Variants in AP1G2 observed in about 807,000 individuals in gnomAD.
The protein encoded by AP1G2 is AP-1 complex subunit gamma-like 2.
Under a neutral mutation model 95.8 loss-of-function variants are expected in AP1G2, and 85 were observed. That is an observed-to-expected ratio of 0.89 (90% confidence interval 0.74 to 1.06). The LOEUF (loss-of-function observed/expected upper bound fraction) is 1.06. AP1G2 is among the 50% of genes least tolerant of loss of function. The probability of loss-of-function intolerance (pLI) is 0.00; values close to 1 mark genes in which losing one functional copy is unlikely to be tolerated. For missense variants in AP1G2, 967 were observed against 1,005.8 expected, an observed-to-expected ratio of 0.96 and a Z score of 0.52; for synonymous variants, 378 against 400.0, an observed-to-expected ratio of 0.94 and a Z score of 0.66.
intron 16 of AP1G2, 83 bp from the exon 17 acceptor site, chr14:23,562,149 A>G: frequency 6.3e-7 from 1 of 1,595,310 alleles, no homozygotes; most frequent in Non-Finnish European, 8.6e-7. Context: ...GGAGCAGGGA[A>G]ATACCCAGAT....
chr14:23,567,581 C>G lies in AP1G2; in HGVS notation c.-6+158G>C, dbSNP rs1441945528. Reference sequence around the variant, plus strand: ...GGGAGCCCCACCTATTTCTCTCTACCGTTTCCTCCCCCTACCTGGTACCCC... The same window carrying G: ...GGGAGCCCCACCTATTTCTCTCTACGGTTTCCTCCCCCTACCTGGTACCCC... On this transcript the variant is annotated intron_variant, in intron 1 of 21. Coordinates refer to ENST00000397120, the MANE Select transcript of AP1G2 (RefSeq NM_003917.5). This position sits in a 1 kb window ranked among gnomAD's most constrained non-coding sequence, Gnocchi z 5.3. 7.9e-7 allele frequency: 1 copy of G among 1,272,768 alleles called. No individual in the cohort carries two copies. Among genetic ancestry groups the G allele is most frequent in the Admixed American group, 4.4e-5 (1 of 22,904 alleles). 78.8% of individuals were successfully genotyped at this position (1,272,768 alleles called of 1,614,324 possible). A position where few individuals can be genotyped will look rare whatever the true frequency, so the allele number is the denominator to read the frequency against.
intron 19 of AP1G2, chr14:23,560,701 C>G (rs1883927502): frequency 5.2e-6 from 1 of 192,324 alleles, no homozygotes; most frequent in African/African-American, 2.6e-5. Flanking sequence ...ACAGCTTGAA[C>G]CCGGGAGGCA....
At chr14:23,562,831 A>G in intron 14 of AP1G2, 1 of 576,610 alleles carries the variant, frequency 1.7e-6, no homozygotes, top group East Asian at 3.2e-5. Flanking sequence ...ACCTGGCAAT[A>G]TCCCTTTAGG....
At position 23,566,051 on chromosome 14, in the gene AP1G2, C is replaced by A. The variant is rs868818711; in HGVS notation, c.568+13G>T. The A allele has an allele frequency of 6.2e-7, 1 of 1,614,130 alleles. No homozygotes were observed. The highest frequency in any genetic ancestry group is 1.3e-5 in the African/African-American group (1 of 75,034). ...AGACCTGAAGCAAAGGATGGGGGGC[C>A]CCACAGCCTTACCATGGTGACGCTC... is the stretch of plus-strand genomic sequence containing the variant. On this transcript the variant is annotated intron_variant, in intron 5 of 21. Coordinates refer to ENST00000397120, the MANE Select transcript of AP1G2 (RefSeq NM_003917.5).
chr14:23,560,497 TAAAC>T lies in AP1G2; in HGVS notation c.1994-83_1994-80del. 2.1e-6 allele frequency: 3 copies of T among 1,450,218 alleles called. No individual in the cohort carries two copies. In the South Asian group the frequency reaches 4.0e-5, roughly 19 times the overall value. The allele number at this position is 1,450,218 out of a possible 1,614,324, so 89.8% of individuals were successfully genotyped here. On this transcript the variant is annotated intron_variant, in intron 19 of 21. Transcript: ENST00000397120. ...GTTCATTCATTCAACAAAAATTGAG[TAAAC>T]ACCTACTGGCCCTGCACTACTCGAA...
At position 23,567,465 on chromosome 14, in the gene AP1G2, G is replaced by A; in HGVS notation, c.-5-146C>T. The A allele has an allele frequency of 7.1e-7, 1 of 1,400,486 alleles. No individual in the cohort carries two copies. Among genetic ancestry groups the A allele is most frequent in the Non-Finnish European group, 9.2e-7 (1 of 1,084,956 alleles). 86.8% of individuals were successfully genotyped at this position (1,400,486 alleles called of 1,614,324 possible). A position where few individuals can be genotyped will look rare whatever the true frequency, so the allele number is the denominator to read the frequency against. On this transcript the variant is annotated intron_variant, in intron 1 of 21. Coordinates refer to ENST00000397120, the MANE Select transcript of AP1G2 (RefSeq NM_003917.5). This position sits in a 1 kb window ranked among gnomAD's most constrained non-coding sequence, Gnocchi z 5.3. ...CCGCATTTTACCTTTCCCGAAGTGG[G>A]TCTCCAAATTCCGCGCCCACCCCAC...
chr14:23,567,059 C>G lies in AP1G2; in HGVS notation c.204+52G>C. On this transcript the variant is annotated intron_variant, in intron 2 of 21. Coordinates refer to ENST00000397120, the MANE Select transcript of AP1G2 (RefSeq NM_003917.5). The surrounding 1 kb of genome is among the most constrained non-coding windows in gnomAD (Gnocchi z 5.3). ...TAAACAGGTGAGAGAGTCTGGGACT[C>G]TGCCCCACTAGCCTTCATCAAGCTC... 6.4e-7 allele frequency: 1 copy of G among 1,554,540 alleles called. No homozygotes were observed. Among genetic ancestry groups the G allele is most frequent in the Non-Finnish European group, 8.7e-7 (1 of 1,145,418 alleles).
At chr14:23,565,982 C>T (rs1289649208) in intron 5 of AP1G2, 82 bp downstream of exon 5, 1 of 1,611,984 alleles carries the variant, frequency 6.2e-7, no homozygotes, top group African/African-American at 1.3e-5. Flanking sequence ...TACCCTTCTC[C>T]TGTGAGCTGG....
At chr14:23,564,893 A>G in intron 8 of AP1G2, 2 of 631,658 alleles carry the variant, frequency 3.2e-6, no homozygotes, top group South Asian at 3.9e-5. Context: ...CCATCCTTCA[A>G]CCATCCAACA....
chr14:23,560,577 T>TG (rs1432589959), intron 19 of AP1G2, 159 bp from the exon 20 acceptor site: 1 of 698,708 alleles, frequency 1.4e-6, no homozygotes, highest in Admixed American at 3.5e-5. Flanking sequence ...TACTGTCTAA[T>TG]GGGGGAGAGA....
At position 23,567,516 on chromosome 14, in the gene AP1G2, G is replaced by A. The variant is rs1888654084; in HGVS notation, c.-5-197C>T. 5.1e-6 allele frequency: 7 copies of A among 1,366,762 alleles called. No homozygotes were observed. In the East Asian group the frequency reaches 2.1e-4, roughly 41 times the overall value. The allele number at this position is 1,366,762 out of a possible 1,614,324, so 84.7% of individuals were successfully genotyped here. A position where few individuals can be genotyped will look rare whatever the true frequency, so the allele number is the denominator to read the frequency against. Reference sequence around the variant, plus strand: ...CGCCCGAGAAGCCCACTACGCATGCGTCCGCACCCCACCGGCGCCCCTTCC... The same window carrying A: ...CGCCCGAGAAGCCCACTACGCATGCATCCGCACCCCACCGGCGCCCCTTCC... On this transcript the variant is annotated intron_variant, in intron 1 of 21. Transcript: ENST00000397120. This position sits in a 1 kb window ranked among gnomAD's most constrained non-coding sequence, Gnocchi z 5.3.
Position 23,567,413 on chromosome 14 carries a change from G to C in AP1G2, c.-5-94C>G. On this transcript the variant is annotated intron_variant, in intron 1 of 21. Transcript: ENST00000397120. The surrounding 1 kb of genome is among the most constrained non-coding windows in gnomAD (Gnocchi z 5.3). ...CCTGTGTCAAGACCCTAAGAGCCCG[G>C]GTCCCACAGGTACCCTAAAATTGCG... 1 of 1,451,196 alleles carries C rather than the reference G, an allele frequency of 6.9e-7. No individual in the cohort carries two copies. The highest frequency in any genetic ancestry group is 9.0e-7 in the Non-Finnish European group (1 of 1,109,248). 89.9% of individuals were successfully genotyped at this position (1,451,196 alleles called of 1,614,324 possible). A position where few individuals can be genotyped will look rare whatever the true frequency, so the allele number is the denominator to read the frequency against.
chr14:23,563,630 G>A lies in AP1G2; in HGVS notation c.1241C>T (p.Pro414Leu). Residue 414 changes from proline (P) to leucine (L), a missense_variant, in exon 13 of 22, where the codon CCA becomes CTA. Coordinates refer to ENST00000397120, the MANE Select transcript of AP1G2 (RefSeq NM_003917.5). The stretch of plus-strand genomic sequence containing the variant: ...GGTGTCTATGTGCCAGCGTTTGGTT[G>A]GAGCAAACCTAGGGGATATATGGCT... Reference protein sequence around the residue: ...GILLAAERFAPTKRWHIDTIL... With the variant: ...GILLAAERFALTKRWHIDTIL... 6.2e-7 allele frequency: 1 copy of A among 1,614,198 alleles called. No homozygotes were observed. Among genetic ancestry groups the A allele is most frequent in the Non-Finnish European group, 8.5e-7 (1 of 1,180,034 alleles).
Position 23,566,394 on chromosome 14 carries a change from C to T in AP1G2, c.355G>A (p.Val119Ile). ...AAAGTGCACAAGGCCAGGCCTTGTA[C>T]TGGCTGAATCCCCTGGCTCAGGTCA... ...KNDLSQGIQP[V>I]QGLALCTLST... The change falls in exon 4 of 22, where the codon GTA (valine) becomes ATA (isoleucine). Residue 119 changes from valine to isoleucine, a missense_variant. Coordinates refer to ENST00000397120, the MANE Select transcript of AP1G2 (RefSeq NM_003917.5). The T allele has an allele frequency of 1.9e-6, 3 of 1,613,978 alleles. No individual in the cohort carries two copies. The highest frequency in any genetic ancestry group is 3.3e-5 in the Admixed American group (2 of 60,026).
Position 23,562,328 on chromosome 14 carries a change from CT to C in AP1G2, c.1587del (p.Ala530ProfsTer3). On this transcript the variant is annotated frameshift_variant, in exon 16 of 22. Transcript: ENST00000397120. LOFTEE classifies it high-confidence loss of function. ...AGGCGAGTGCTGAGCTTCATGAGGG[CT>C]GTGAGGGCATATCCTCGAGTGGCTG... The part of the protein sequence containing the change: ...SLPATRGYAL[T>X]ALMKLSTRLC... 1 of 1,614,212 alleles carries C rather than the reference CT, an allele frequency of 6.2e-7. No individual in the cohort carries two copies. Among genetic ancestry groups the C allele is most frequent in the Non-Finnish European group, 8.5e-7 (1 of 1,180,030 alleles).
rs904656067 is a variant in AP1G2, at chr14:23,562,838, T to C, written c.1411-245A>G. 42 of 560,566 alleles carry C rather than the reference T, an allele frequency of 7.5e-5. No individual in the cohort carries two copies. The East Asian group carries it at 8.3e-4, about 11-fold the overall frequency. 34.7% of individuals were successfully genotyped at this position (560,566 alleles called of 1,614,324 possible). ...ACTTCCAGACCTGGCAATATCCCTT[T>C]AGGCAGTGCAGAGATGGTGGGGGGT... On this transcript the variant is annotated intron_variant, in intron 14 of 21. Coordinates refer to ENST00000397120, the MANE Select transcript of AP1G2 (RefSeq NM_003917.5).
At chr14:23,560,727 C>T (rs748855667) in intron 19 of AP1G2, 21 of 152,396 alleles carry the variant, frequency 1.4e-4, no homozygotes, top group Non-Finnish European at 2.0e-4. Context: ...TGCAGTGAGC[C>T]GAGATCACGC....
Position 23,567,529 on chromosome 14 carries a change from C to A in AP1G2, c.-6+210G>T, listed in dbSNP as rs566719432. On this transcript the variant is annotated intron_variant, in intron 1 of 21. Coordinates refer to ENST00000397120, the MANE Select transcript of AP1G2 (RefSeq NM_003917.5). The surrounding 1 kb of genome is among the most constrained non-coding windows in gnomAD (Gnocchi z 5.3). Reference sequence around the variant, plus strand: ...CACTACGCATGCGTCCGCACCCCACCGGCGCCCCTTCCTATTGAGCATGCG... The same window carrying A: ...CACTACGCATGCGTCCGCACCCCACAGGCGCCCCTTCCTATTGAGCATGCG... 130 of 1,356,238 alleles carry A rather than the reference C, an allele frequency of 9.6e-5. No homozygotes were observed. In the South Asian group the frequency reaches 1.9e-3, roughly 20 times the overall value. The allele number at this position is 1,356,238 out of a possible 1,614,324, so 84.0% of individuals were successfully genotyped here.
chr14:23,566,491 G>C (rs1888057400), intron 3 of AP1G2, 71 bp downstream of exon 3: 4 of 1,607,352 alleles, frequency 2.5e-6, no homozygotes, highest in Non-Finnish European at 3.4e-6. Flanking sequence ...ACAACAGGCA[G>C]TCCCCTGGGA....
Sources: gnomAD v4.1 joint callset for allele counts on GRCh38, gnomAD v4.1.1 for gene constraint, Gnocchi (gnomAD v3.1) non-coding constraint, MANE v1.5 for transcripts, NCBI Gene and HGNC (gene_info 2026-07-23, HGNC 2026-07-21) for gene names.